The following CHD1L variants were observed in gnomAD, a reference collection of about 807,000 sequenced individuals.
CHD1L encodes ATP-dependent chromatin remodeler CHD1L.
Under a neutral mutation model 115.9 loss-of-function variants are expected in CHD1L, and 118 were observed. That is an observed-to-expected ratio of 1.02 (90% CI 0.88 to 1.19). CHD1L has a LOEUF of 1.19. CHD1L is among the 50% of genes most tolerant of loss of function. CHD1L has a pLI of 0.00. For missense variants in CHD1L, 1,179 were observed against 1,065.3 expected, an observed-to-expected ratio of 1.11 and a Z score of -1.49; for synonymous variants, 411 against 387.1, an observed-to-expected ratio of 1.06 and a Z score of -0.72.
chr1:147,276,267 G>T lies in CHD1L; in HGVS notation c.1539+10G>T. On this transcript the variant is annotated intron_variant, in intron 14 of 22. Transcript: ENST00000369258. ...CGATGCTGACCTCCAGGTATGATAT[G>T]ATATACTGTTCTTCACTTTGGAATA... The T allele has an allele frequency of 6.2e-7, 1 of 1,613,992 alleles. No homozygotes were observed. Among genetic ancestry groups the T allele is most frequent in the Non-Finnish European group, 8.5e-7 (1 of 1,179,924 alleles).
the CHD1L span, chr1:147,212,496 T>G: frequency 3.1e-6 from 5 of 1,613,946 alleles, no homozygotes; most frequent in Non-Finnish European, 4.2e-6. Context: ...GTTCTTATAG[T>G]CTCGACTGTG....
the CHD1L span, chr1:147,178,098 A>AC: frequency 6.5e-7 from 1 of 1,532,018 alleles, no homozygotes. Flanking sequence ...GGCTGCCCCC[A>AC]CCCCACCTCG....
At chr1:147,265,805 A>C (rs939695774) in intron 7 of CHD1L, 127 bp from the exon 8 acceptor site, 1 of 718,914 alleles carries the variant, frequency 1.4e-6, no homozygotes, top group African/African-American at 1.8e-5. Flanking sequence ...AAAAATGATC[A>C]TACTGGCCTA....
At chr1:147,273,029 G>A (rs587653524) in intron 12 of CHD1L, among the ~76,000 whole-genome samples, 3 of 151,924 alleles carry the variant, frequency 2.0e-5, no homozygotes, top group African/African-American at 4.8e-5. Flanking sequence ...GTGAAACCCC[G>A]TCTCTACTTA....
rs782744957 is a variant in CHD1L at position 147,293,592 on chromosome 1, T to C, written c.2392-16T>C. ...GTTTCATGTTGGGTTGGTCATCTAA[T>C]GGTGGTTCTTTCCAGTTGGCCTTGA... On this transcript the variant is annotated splice_polypyrimidine_tract_variant and intron_variant, in intron 20 of 22. Transcript: ENST00000369258. 7 of 1,610,244 alleles carry C rather than the reference T, an allele frequency of 4.3e-6. No individual in the cohort carries two copies. The highest frequency in any genetic ancestry group is 2.2e-5 in the East Asian group (1 of 44,862).
the CHD1L span, among the ~76,000 whole-genome samples, chr1:147,221,500 CA>C: frequency 6.6e-6 from 1 of 152,060 alleles, no homozygotes; most frequent in South Asian, 2.1e-4. Context: ...TAATGAATGG[CA>C]AGGTCATTTT....
the CHD1L span, chr1:147,213,552 A>G: frequency 1.6e-5 from 20 of 1,222,718 alleles, no homozygotes; most frequent in South Asian, 3.5e-4. Context: ...CTGATATCAC[A>G]GACACTATCA....
rs1335439107 is a variant in CHD1L at position 147,286,327 on chromosome 1, A to C, written c.2048A>C (p.Gln683Pro). The stretch of plus-strand genomic sequence containing the variant: ...GCCTGGTGGGAATCCAACAATTACC[A>C]GTCCTTCTGCCTGCCCTCTGAGGAG... Reference protein sequence around the residue: ...KMAWWESNNYQSFCLPSEESE... With the variant: ...KMAWWESNNYPSFCLPSEESE... The change falls in exon 18 of 23, where the codon CAG becomes CCG. Residue 683 changes from glutamine (Q) to proline (P), a missense_variant. Physicochemically the swap from Gln to Pro is moderately conservative, Grantham distance 76. Transcript: ENST00000369258. The C allele has an allele frequency of 1.2e-6, 2 of 1,614,112 alleles. No homozygotes were observed. The highest frequency in any genetic ancestry group is 1.3e-5 in the African/African-American group (1 of 75,052).
the CHD1L span, among the ~76,000 whole-genome samples, chr1:147,211,858 A>G: frequency 7.9e-5 from 12 of 152,312 alleles, no homozygotes; most frequent in Non-Finnish European, 1.3e-4. Flanking sequence ...CATGTGCTAC[A>G]GTTTGGACGC....
chr1:147,259,896 T>G lies in CHD1L; in HGVS notation c.554T>G (p.Leu185Arg), dbSNP rs1286047552. Residue 185 changes from leucine (L) to arginine (R), a missense_variant, in exon 6 of 23, where the codon CTG becomes CGG. By Grantham distance (102) the Leu-to-Arg change is moderately radical. Transcript: ENST00000369258. ...CACAGGTTGAAAAACCAAAGCTCCC[T>G]GCTGCATAAGACCTTGTCAGAGGTA... ...EAHRLKNQSS[L>R]LHKTLSEFSV... 6.2e-7 allele frequency: 1 copy of G among 1,613,718 alleles called. No individual in the cohort carries two copies. The highest frequency in any genetic ancestry group is 1.3e-5 in the African/African-American group (1 of 74,930).
chr1:147,243,764 A>C (rs929890261), intron 1 of CHD1L, among the ~76,000 whole-genome samples: 1 of 152,224 alleles, frequency 6.6e-6, no homozygotes, highest in Non-Finnish European at 1.5e-5. Flanking sequence ...ATTGGCTACA[A>C]AGATGAGCAA....
upstream of CHD1L, among the ~76,000 whole-genome samples, chr1:147,240,740 G>C (rs1464120588): frequency 1.3e-5 from 2 of 152,184 alleles, no homozygotes; most frequent in Admixed American, 1.3e-4. Flanking sequence ...ATGTTTATGT[G>C]TATGCACATC....
chr1:147,207,385 A>AT, the CHD1L span, among the ~76,000 whole-genome samples: 2 of 152,144 alleles, frequency 1.3e-5, no homozygotes, highest in African/African-American at 4.8e-5. Flanking sequence ...AGATCTGAAC[A>AT]TTTTCAAAAA....
In CHD1L at chr1:147,242,832, T is replaced by A; in HGVS notation, c.127+2T>A. On this transcript the variant is annotated splice_donor_variant, in intron 1 of 22. Coordinates refer to ENST00000369258, the MANE Select transcript of CHD1L (RefSeq NM_004284.6). LOFTEE classifies it high-confidence loss of function. ...ACTTACGGCAGTGGGGGCTGACAGGTGAGCGGGCTCCGGGCGGACTTCGGC... is the reference window on the plus strand; with the variant it reads ...ACTTACGGCAGTGGGGGCTGACAGGAGAGCGGGCTCCGGGCGGACTTCGGC... The A allele has an allele frequency of 7.8e-7, 1 of 1,276,134 alleles. No individual in the cohort carries two copies. The highest frequency in any genetic ancestry group is 1.0e-6 in the Non-Finnish European group (1 of 1,004,580). 79.1% of individuals were successfully genotyped at this position (1,276,134 alleles called of 1,614,324 possible).
At chr1:147,185,135 A>G in the CHD1L span, among the ~76,000 whole-genome samples, 3 of 149,856 alleles carry the variant, frequency 2.0e-5, no homozygotes, top group Non-Finnish European at 3.0e-5. Flanking sequence ...TCTTGTTCAC[A>G]TCTTTTAGCT....
intron 15 of CHD1L, among the ~76,000 whole-genome samples, chr1:147,281,799 A>G (rs1009086480): frequency 1.8e-4 from 27 of 150,310 alleles, no homozygotes; most frequent in African/African-American, 6.4e-4. Flanking sequence ...TTAAAAAAAT[A>G]TATATATATT....
intron 9 of CHD1L, among the ~76,000 whole-genome samples, chr1:147,268,122 T>C (rs1197913470): frequency 6.6e-6 from 1 of 152,226 alleles, no homozygotes; most frequent in African/African-American, 2.4e-5. Context: ...CTCCATCTGC[T>C]CCTTCTCAGT....
At chr1:147,201,653 AC>A in the CHD1L span, 1 of 634,588 alleles carries the variant, frequency 1.6e-6, no homozygotes, top group South Asian at 2.0e-5. Flanking sequence ...TCTAATTTAT[AC>A]TAGGTTGGCA....
At chr1:147,225,688 C>G in the CHD1L span, 7 of 152,768 alleles carry the variant, frequency 4.6e-5, no homozygotes, top group Non-Finnish European at 7.3e-5. Context: ...GTCAACAACC[C>G]CAAAGCCAGT....
Sources: allele counts gnomAD v4.1 joint callset (sites outside exome capture counted in the v4.1 genomes callset), GRCh38; gene constraint gnomAD v4.1.1; transcripts MANE v1.5; gene names NCBI Gene and HGNC (gene_info 2026-07-23, HGNC 2026-07-21).